PPARGC1A: variants seen among roughly 807,000 people sequenced by gnomAD.
The protein encoded by PPARGC1A is PPARG coactivator 1 alpha, also known as peroxisome proliferator-activated receptor gamma coactivator 1-alpha.
PPARGC1A carries 25 observed loss-of-function variants against 88.7 expected under a neutral mutation model. The ratio of observed to expected loss-of-function variants is 0.28; its 90% CI spans 0.21 to 0.39. The LOEUF (loss-of-function observed/expected upper bound fraction) is 0.39. PPARGC1A is among the 10% of genes least tolerant of loss of function. The pLI is 1.00. For synonymous variants in PPARGC1A, 363 were observed against 355.6 expected, an observed-to-expected ratio of 1.02 and a Z score of -0.24; for missense variants, 880 against 968.7, an observed-to-expected ratio of 0.91 and a Z score of 1.22.
the PPARGC1A span, among the ~76,000 whole-genome samples, chr4:23,940,066 C>T: frequency 6.6e-6 from 1 of 152,170 alleles, no homozygotes; most frequent in Non-Finnish European, 1.5e-5. Context: ...CTTCTCAAGG[C>T]TCCCCTAATT....
chr4:24,122,246 A>G, the PPARGC1A span, among the ~76,000 whole-genome samples: 54 of 152,170 alleles, frequency 3.5e-4, no homozygotes, highest in African/African-American at 1.2e-3. Context: ...GAACTCACTC[A>G]TGGAGCCCTT....
chr4:24,355,718 C>A, the PPARGC1A span, among the ~76,000 whole-genome samples: 1 of 152,022 alleles, frequency 6.6e-6, no homozygotes, highest in Admixed American at 6.6e-5. Flanking sequence ...CAGCACACAC[C>A]AGTCACAAAC....
chr4:23,797,714 A>G (rs1040142092), intron 12 of PPARGC1A, among the ~76,000 whole-genome samples: 5 of 129,636 alleles, frequency 3.9e-5, no homozygotes, highest in Middle Eastern at 4.3e-3. Flanking sequence ...AAAACAACCA[A>G]AAATATTTTT....
At chr4:24,255,393 C>G in the PPARGC1A span, among the ~76,000 whole-genome samples, 1 of 152,178 alleles carries the variant, frequency 6.6e-6, no homozygotes, top group East Asian at 1.9e-4. Context: ...TTCTCTAACA[C>G]TCTCCCTATA....
the PPARGC1A span, among the ~76,000 whole-genome samples, chr4:24,287,634 G>GCA: frequency 0.3 from 42,107 of 141,944 alleles, 6,255 homozygotes; most frequent in East Asian, 0.41. Flanking sequence ...AACACCACAT[G>GCA]CACACACACA....
the PPARGC1A span, among the ~76,000 whole-genome samples, chr4:24,354,546 T>C: frequency 6.6e-6 from 1 of 152,232 alleles, no homozygotes; most frequent in Non-Finnish European, 1.5e-5. Context: ...AAATTGGGTT[T>C]ACCAAGATAG....
the PPARGC1A span, among the ~76,000 whole-genome samples, chr4:24,049,482 A>C: frequency 1.3e-5 from 2 of 151,702 alleles, no homozygotes; most frequent in African/African-American, 4.8e-5. Context: ...AATTGGGTGA[A>C]ATTTGTCGGG....
At chr4:24,364,403 G>A in the PPARGC1A span, among the ~76,000 whole-genome samples, 1 of 152,170 alleles carries the variant, frequency 6.6e-6, no homozygotes, top group Non-Finnish European at 1.5e-5. Context: ...AAAGGTGCAA[G>A]CACTGAAACC....
chr4:23,923,689 C>G, the PPARGC1A span, among the ~76,000 whole-genome samples: 2 of 152,142 alleles, frequency 1.3e-5, no homozygotes, highest in African/African-American at 4.8e-5. Flanking sequence ...TCCAAAAATG[C>G]TGCAATTGTA....
the PPARGC1A span, among the ~76,000 whole-genome samples, chr4:24,246,085 G>T: frequency 6.6e-6 from 1 of 152,014 alleles, no homozygotes; most frequent in African/African-American, 2.4e-5. Context: ...TACACAAATG[G>T]CTAGATGGAT....
chr4:23,897,433 T>C (rs1209723918), intron 1 of PPARGC1A, among the ~76,000 whole-genome samples: 1 of 152,162 alleles, frequency 6.6e-6, no homozygotes, highest in African/African-American at 2.4e-5. Context: ...GGGTGATTCA[T>C]GTAATGATAC....
the PPARGC1A span, among the ~76,000 whole-genome samples, chr4:24,284,451 G>A: frequency 6.6e-6 from 1 of 152,116 alleles, no homozygotes; most frequent in Non-Finnish European, 1.5e-5. Flanking sequence ...TTCTTCCTAG[G>A]GTCAATGTTT....
the PPARGC1A span, among the ~76,000 whole-genome samples, chr4:24,033,410 G>GACACACACACACAC: frequency 6.6e-6 from 1 of 150,836 alleles, no homozygotes; most frequent in South Asian, 2.1e-4. Flanking sequence ...TAGACAGACA[G>GACACACACACACAC]ACACACACAC....
chr4:24,323,122 G>C, the PPARGC1A span, among the ~76,000 whole-genome samples: 2 of 152,102 alleles, frequency 1.3e-5, no homozygotes, highest in Non-Finnish European at 2.9e-5. Flanking sequence ...AAACCATGCC[G>C]GGCCTTAGAG....
intron 2 of PPARGC1A, among the ~76,000 whole-genome samples, chr4:23,864,591 G>C (rs1267777776): frequency 6.6e-6 from 1 of 152,182 alleles, no homozygotes; most frequent in African/African-American, 2.4e-5. Context: ...ATGCACTCAA[G>C]AACAAGAGGA....
the PPARGC1A span, among the ~76,000 whole-genome samples, chr4:24,218,633 A>T: frequency 3.3e-5 from 5 of 152,224 alleles, no homozygotes; most frequent in African/African-American, 9.6e-5. Flanking sequence ...GATAGGAAGG[A>T]TGCAGAAAGG....
chr4:24,353,387 TA>T, the PPARGC1A span, among the ~76,000 whole-genome samples: 228 of 141,608 alleles, frequency 1.6e-3, no homozygotes, highest in Admixed American at 2.6e-3. Context: ...TCTGTGGGCT[TA>T]AAAAAAAAAA....
the PPARGC1A span, among the ~76,000 whole-genome samples, chr4:24,066,857 T>TG: frequency 2.4e-5 from 2 of 83,956 alleles, 1 homozygote; most frequent in African/African-American, 7.5e-5. Flanking sequence ...GGGTTTTTTT[T>TG]TTTTTTTTTT....
At chr4:23,912,169 T>C in the PPARGC1A span, among the ~76,000 whole-genome samples, 1 of 152,178 alleles carries the variant, frequency 6.6e-6, no homozygotes, top group South Asian at 2.1e-4. Flanking sequence ...AAATTCCCAA[T>C]GAAGAGATGG....
Sources: allele counts gnomAD v4.1 joint callset (sites outside exome capture counted in the v4.1 genomes callset), GRCh38; gene constraint gnomAD v4.1.1; transcripts MANE v1.5; gene names NCBI Gene and HGNC (gene_info 2026-07-23, HGNC 2026-07-21).